CNIH3: variants seen among roughly 807,000 people sequenced by gnomAD.
CNIH3 encodes the protein cornichon family AMPA receptor auxiliary protein 3.
CNIH3 carries 14 observed loss-of-function variants against 24.1 expected under a neutral mutation model. The observed-to-expected ratio is 0.58, with a 90% CI of 0.38 to 0.91. CNIH3 has a LOEUF of 0.91. Ranked by LOEUF, CNIH3 falls within the 40% of genes least tolerant of loss-of-function variation. The pLI is 0.00. For synonymous variants in CNIH3, 68 were observed against 73.8 expected, an observed-to-expected ratio of 0.92 and a Z score of 0.40; for missense variants, 178 against 196.8, an observed-to-expected ratio of 0.90 and a Z score of 0.57.
chr1:224,739,199 G>A, intron 5 of CNIH3, 130 bp from the exon 6 acceptor site: 1 of 1,468,528 alleles, frequency 6.8e-7, no homozygotes, highest in Non-Finnish European at 9.1e-7. Flanking sequence ...TGTAGTGACA[G>A]GAATGAGGGA....
At chr1:224,667,940 T>G (rs934412363) in intron 1 of CNIH3, among the ~76,000 whole-genome samples, 1 of 152,198 alleles carries the variant, frequency 6.6e-6, no homozygotes, top group Non-Finnish European at 1.5e-5. Flanking sequence ...CATGGAGCCC[T>G]GCAGCTACAC....
At chr1:224,705,199 C>G (rs1241035560) in intron 3 of CNIH3, among the ~76,000 whole-genome samples, 1 of 152,158 alleles carries the variant, frequency 6.6e-6, no homozygotes, top group Non-Finnish European at 1.5e-5. Context: ...AACCATTCTC[C>G]ACTTTTTTCA....
rs185709726 is a variant in CNIH3, at chr1:224,506,667, C to T, written n.204-9074C>T. ...GATCAGAAGGGCAGCCAACAAGCCACGTGTCTAGCAGCCACCCTTGGGAAA... is the reference window on the plus strand; with the variant it reads ...GATCAGAAGGGCAGCCAACAAGCCATGTGTCTAGCAGCCACCCTTGGGAAA... On this transcript the variant is annotated intron_variant and non_coding_transcript_variant, in intron 1 of 5. Coordinates refer to the CNIH3 transcript ENST00000471578. Among the ~76,000 whole-genome samples the T allele has an allele frequency of 1.6e-3, 251 of 152,282 alleles. 1 individual carries two copies. The highest frequency in any genetic ancestry group is 5.1e-3 in the African/African-American group (214 of 41,558).
intron 2 of CNIH3, among the ~76,000 whole-genome samples, chr1:224,534,468 A>G (rs1679204982): frequency 6.6e-6 from 1 of 152,178 alleles, no homozygotes; most frequent in Admixed American, 6.5e-5. Context: ...TAGATCTTCA[A>G]TCTGTCTATA....
chr1:224,583,898 G>T (rs895707999), intron 5 of CNIH3, among the ~76,000 whole-genome samples: 22 of 152,194 alleles, frequency 1.4e-4, no homozygotes, highest in African/African-American at 4.1e-4. Context: ...ACAAGAATAA[G>T]CAAGACATGA....
At chr1:224,695,111 TTTGAG>T (rs1172024503) in intron 3 of CNIH3, among the ~76,000 whole-genome samples, 1 of 152,184 alleles carries the variant, frequency 6.6e-6, no homozygotes, top group Non-Finnish European at 1.5e-5. Flanking sequence ...TAAATTGGAC[TTTGAG>T]TAAAGCACAT....
chr1:224,670,609 A>G (rs566329905), intron 1 of CNIH3, among the ~76,000 whole-genome samples: 2 of 152,138 alleles, frequency 1.3e-5, no homozygotes, highest in Admixed American at 6.5e-5. Context: ...CCTCATCCCT[A>G]AATGGAGGAG....
At chr1:224,511,396 T>C (rs1340496234), upstream of CNIH3, among the ~76,000 whole-genome samples, 2 of 152,254 alleles carry the variant, frequency 1.3e-5, no homozygotes, top group African/African-American at 4.8e-5. Flanking sequence ...CAAAAGCCAC[T>C]ATGTAAATAG....
intron 1 of CNIH3, among the ~76,000 whole-genome samples, chr1:224,504,640 T>C (rs1677820184): frequency 6.6e-6 from 1 of 151,172 alleles, no homozygotes; most frequent in South Asian, 2.1e-4. Context: ...CAACCCCACC[T>C]TAATCTTTTT....
Position 224,510,275 on chromosome 1 carries a change from CA to C in CNIH3, n.204-5463del, listed in dbSNP as rs200600648. On this transcript the variant is annotated intron_variant and non_coding_transcript_variant, in intron 1 of 5. Coordinates refer to the CNIH3 transcript ENST00000471578. ...GAGTCAGTTTGCCCCATTCCCCATG[CA>C]AAGGAGCTTAAACTTCATCCTCAGC... is the stretch of plus-strand genomic sequence containing the variant. Among the ~76,000 whole-genome samples, 138 of 152,206 alleles carry C rather than the reference CA, an allele frequency of 9.1e-4. 2 individuals carry two copies. The East Asian group carries it at 0.022, about 24-fold the overall frequency.
chr1:224,666,434 G>A (rs1685600796), intron 1 of CNIH3, among the ~76,000 whole-genome samples: 1 of 152,168 alleles, frequency 6.6e-6, no homozygotes, highest in Admixed American at 6.5e-5. Context: ...AATTTGTAAT[G>A]CCTGGCTCTT....
chr1:224,594,451 T>C (rs1303456165), intron 3 of CNIH3, among the ~76,000 whole-genome samples: 2 of 152,222 alleles, frequency 1.3e-5, no homozygotes, highest in Admixed American at 1.3e-4. Context: ...TTTTATGTGA[T>C]GGTTGGTCCA....
chr1:224,721,376 T>G (rs1688714889), intron 3 of CNIH3, among the ~76,000 whole-genome samples: 1 of 152,118 alleles, frequency 6.6e-6, no homozygotes, highest in Non-Finnish European at 1.5e-5. Context: ...CTGGGCATGA[T>G]TTCTACTCCC....
intron 3 of CNIH3, among the ~76,000 whole-genome samples, chr1:224,685,878 C>T (rs1388976746): frequency 6.6e-6 from 1 of 151,708 alleles, no homozygotes; most frequent in Non-Finnish European, 1.5e-5. Context: ...TGGATAAAGC[C>T]TATATATGAA....
intron 1 of CNIH3, 32 bp from the exon 2 acceptor site, chr1:224,680,926 C>T (rs760592533): frequency 1.3e-6 from 2 of 1,560,906 alleles, no homozygotes; most frequent in Admixed American, 3.3e-5. Flanking sequence ...CTCGTGTGCA[C>T]TAACACCTCA....
intron 2 of CNIH3, among the ~76,000 whole-genome samples, chr1:224,528,321 T>C (rs1678925583): frequency 6.6e-6 from 1 of 151,834 alleles, no homozygotes; most frequent in African/African-American, 2.4e-5. Context: ...ATTTACTTAT[T>C]TATTTATGTA....
intron 1 of CNIH3, among the ~76,000 whole-genome samples, chr1:224,449,518 G>A (rs1331433696): frequency 6.6e-6 from 1 of 151,872 alleles, no homozygotes; most frequent in Non-Finnish European, 1.5e-5. Context: ...TTCCAAGAGA[G>A]GGGGTCTTGC....
intron 1 of CNIH3, among the ~76,000 whole-genome samples, chr1:224,643,539 G>C (rs979255231): frequency 6.6e-6 from 1 of 152,214 alleles, no homozygotes; most frequent in Non-Finnish European, 1.5e-5. Flanking sequence ...GGTGTGTGAG[G>C]AGAGAGCCTG....
At chr1:224,629,663 G>C (rs1051419631) in intron 1 of CNIH3, among the ~76,000 whole-genome samples, 2 of 152,062 alleles carry the variant, frequency 1.3e-5, no homozygotes, top group African/African-American at 4.8e-5. Flanking sequence ...TATGTATTCA[G>C]AGGTGGAATT....
Sources: gnomAD v4.1 joint callset for allele counts (sites outside exome capture counted in the v4.1 genomes callset) on GRCh38, gnomAD v4.1.1 for gene constraint, MANE v1.5 for transcripts, NCBI Gene and HGNC (gene_info 2026-07-23, HGNC 2026-07-21) for gene names.